HS3ST4: variants seen among roughly 807,000 people sequenced by gnomAD.
HS3ST4 encodes the protein heparan sulfate glucosamine 3-O-sulfotransferase 4.
In HS3ST4, 17 loss-of-function variants were observed where a neutral mutation model predicts 29.2. The ratio of observed to expected loss-of-function variants is 0.58; its 90% CI spans 0.40 to 0.87. The LOEUF (loss-of-function observed/expected upper bound fraction) is 0.87, where lower values mean the gene tolerates loss of function less well. HS3ST4 is among the 40% of genes least tolerant of loss of function. The pLI is 0.00. For synonymous variants in HS3ST4, 314 were observed against 285.7 expected, an observed-to-expected ratio of 1.10 and a Z score of -1.00; for missense variants, 627 against 634.5, an observed-to-expected ratio of 0.99 and a Z score of 0.13.
chr16:25,989,832 G>A (rs1460621249), intron 1 of HS3ST4, among the ~76,000 whole-genome samples: 2 of 152,178 alleles, frequency 1.3e-5, no homozygotes, highest in East Asian at 1.9e-4. Context: ...CAGCAAAGAC[G>A]CATTATGATG....
chr16:25,780,791 T>C (rs1449677333), intron 1 of HS3ST4, among the ~76,000 whole-genome samples: 2 of 152,198 alleles, frequency 1.3e-5, no homozygotes, highest in Non-Finnish European at 2.9e-5. Flanking sequence ...ACTTAAGACA[T>C]TTAACCACTA....
intron 1 of HS3ST4, among the ~76,000 whole-genome samples, chr16:26,133,505 A>G (rs1230971144): frequency 1.3e-5 from 2 of 152,182 alleles, no homozygotes. Context: ...TACTTTGGAG[A>G]ATATGTCACT....
At chr16:26,051,909 CCTCCCTTCCTT>C in intron 1 of HS3ST4, among the ~76,000 whole-genome samples, 1 of 131,156 alleles carries the variant, frequency 7.6e-6, no homozygotes, top group African/African-American at 3.2e-5. Flanking sequence ...TCCCTCCCTC[CCTCCCTTCCTT>C]CCTTCCTTCC....
intron 1 of HS3ST4, among the ~76,000 whole-genome samples, chr16:25,825,113 C>T (rs1967202179): frequency 6.6e-6 from 1 of 152,140 alleles, no homozygotes; most frequent in East Asian, 1.9e-4. Context: ...ACAAAAGAGA[C>T]AAACGGATTG....
At position 25,692,856 on chromosome 16, in the gene HS3ST4, AGCGAGATGATCACGGCTCAGAGC is replaced by A; in HGVS notation, c.443_465del (p.Glu148AlafsTer114). ...CTGGCTCCGGACCCCGCTGGCCCCC[AGCGAGATGATCACGGCTCAGAGC>A]GCGCTGCCGGAGAGGGAAGCGCAGG... On this transcript the variant is annotated frameshift_variant, in exon 1 of 2. Coordinates refer to ENST00000331351, the MANE Select transcript of HS3ST4 (RefSeq NM_006040.3). LOFTEE classifies it high-confidence loss of function. The A allele has an allele frequency of 6.8e-7, 1 of 1,480,940 alleles. No individual in the cohort carries two copies. The highest frequency in any genetic ancestry group is 9.0e-7 in the Non-Finnish European group (1 of 1,115,670). The allele number at this position is 1,480,940 out of a possible 1,614,324, so 91.7% of individuals were successfully genotyped here. A position where few individuals can be genotyped will look rare whatever the true frequency, so the allele number is the denominator to read the frequency against.
intron 1 of HS3ST4, among the ~76,000 whole-genome samples, chr16:25,985,542 C>A (rs1969053349): frequency 6.6e-6 from 1 of 152,168 alleles, no homozygotes. Context: ...TTCCATAATA[C>A]AATACAGCTC....
intron 1 of HS3ST4, among the ~76,000 whole-genome samples, chr16:25,702,339 T>C (rs1475503774): frequency 3.9e-5 from 6 of 152,124 alleles, no homozygotes; most frequent in African/African-American, 1.4e-4. Flanking sequence ...ATGCCACCCA[T>C]TGTGAAAATA....
intron 1 of HS3ST4, among the ~76,000 whole-genome samples, chr16:25,817,540 T>C (rs1967105718): frequency 1.3e-5 from 2 of 152,236 alleles, no homozygotes; most frequent in Admixed American, 1.3e-4. Flanking sequence ...CCATGGGCTA[T>C]ACTTGACTCA....
chr16:25,693,043 G>A lies in HS3ST4; in HGVS notation c.626G>A (p.Gly209Glu). Residue 209 changes from glycine (G) to glutamate (E), a missense_variant, in exon 1 of 2, where the codon GGG becomes GAG. Transcript: ENST00000331351. ...CTCATCATCGGGGTCAAGAAAGGAG[G>A]GACCCGCGCGCTGCTGGAGGCGATC... ...QALIIGVKKGGTRALLEAIRV... is the reference protein window; with the variant it reads ...QALIIGVKKGETRALLEAIRV... 1 of 1,611,174 alleles carries A rather than the reference G, an allele frequency of 6.2e-7. No individual in the cohort carries two copies. The highest frequency in any genetic ancestry group is 8.5e-7 in the Non-Finnish European group (1 of 1,179,016).
intron 1 of HS3ST4, among the ~76,000 whole-genome samples, chr16:26,016,630 C>CTA: frequency 6.6e-6 from 1 of 152,106 alleles, no homozygotes; most frequent in Non-Finnish European, 1.5e-5. Flanking sequence ...TACTTACCAT[C>CTA]TGTTTATGGC....
intron 1 of HS3ST4, among the ~76,000 whole-genome samples, chr16:25,831,044 T>G (rs2141639479): frequency 6.6e-6 from 1 of 152,300 alleles, no homozygotes; most frequent in South Asian, 2.1e-4. Context: ...CTGACTTTAG[T>G]CTTCTTTCCT....
intron 1 of HS3ST4, among the ~76,000 whole-genome samples, chr16:25,750,123 A>G (rs1966709620): frequency 6.6e-6 from 1 of 152,152 alleles, no homozygotes; most frequent in Non-Finnish European, 1.5e-5. Context: ...GAGTCTTCTT[A>G]ATTTATATGT....
intron 1 of HS3ST4, among the ~76,000 whole-genome samples, chr16:25,931,212 C>G (rs1036730173): frequency 6.6e-6 from 1 of 152,208 alleles, no homozygotes; most frequent in African/African-American, 2.4e-5. Context: ...TGAGACAGCC[C>G]TCTGCCGTGT....
intron 1 of HS3ST4, among the ~76,000 whole-genome samples, chr16:25,829,171 A>G (rs1207893786): frequency 6.6e-6 from 1 of 152,224 alleles, no homozygotes; most frequent in Admixed American, 6.5e-5. Flanking sequence ...TTAGGCACAG[A>G]CAGATAACAC....
chr16:25,876,934 C>T (rs1967839058), intron 1 of HS3ST4, among the ~76,000 whole-genome samples: 1 of 152,018 alleles, frequency 6.6e-6, no homozygotes, highest in African/African-American at 2.4e-5. Context: ...TTCTCCCCTA[C>T]TAGGCTTTGA....
intron 1 of HS3ST4, among the ~76,000 whole-genome samples, chr16:25,771,255 C>G (rs537805811): frequency 1.8e-4 from 27 of 152,028 alleles, no homozygotes; most frequent in Non-Finnish European, 3.8e-4. Context: ...TTTTTCTGTT[C>G]CTGTGTGAGT....
chr16:25,976,750 C>A (rs1968947346), intron 1 of HS3ST4, among the ~76,000 whole-genome samples: 1 of 152,230 alleles, frequency 6.6e-6, no homozygotes, highest in Non-Finnish European at 1.5e-5. Context: ...TTGGCAAAAT[C>A]TTTTTGTAAA....
intron 1 of HS3ST4, among the ~76,000 whole-genome samples, chr16:25,909,191 C>CT (rs1968210766): frequency 1.3e-5 from 2 of 152,176 alleles, no homozygotes; most frequent in Admixed American, 1.3e-4. Flanking sequence ...ATTTCTTTTT[C>CT]TTTTTTCTTT....
At chr16:26,049,971 C>G (rs1898319836) in intron 1 of HS3ST4, among the ~76,000 whole-genome samples, 1 of 152,154 alleles carries the variant, frequency 6.6e-6, no homozygotes, top group South Asian at 2.1e-4. Flanking sequence ...GGAGCCTCCC[C>G]CTGTCCAGCT....
Sources: gnomAD v4.1 joint callset for allele counts (sites outside exome capture counted in the v4.1 genomes callset) on GRCh38, gnomAD v4.1.1 for gene constraint, MANE v1.5 for transcripts, NCBI Gene and HGNC (gene_info 2026-07-23, HGNC 2026-07-21) for gene names.